TRIM38: variants seen among roughly 807,000 people sequenced by gnomAD.
The protein encoded by TRIM38 is E3 ubiquitin-protein ligase TRIM38.
TRIM38 carries 35 observed loss-of-function variants against 35.8 expected under a neutral mutation model. The ratio of observed to expected loss-of-function variants is 0.98; its 90% CI spans 0.75 to 1.30. The LOEUF (loss-of-function observed/expected upper bound fraction) is 1.30. Ranked by LOEUF, TRIM38 falls within the 50% of genes most tolerant of loss-of-function variation. The pLI is 0.00. For missense variants in TRIM38, 545 were observed against 556.9 expected, an observed-to-expected ratio of 0.98 and a Z score of 0.21; for synonymous variants, 198 against 204.7, an observed-to-expected ratio of 0.97 and a Z score of 0.28.
intron 7 of TRIM38, among the ~76,000 whole-genome samples, chr6:25,977,996 A>G (rs1481078295): frequency 3.3e-5 from 5 of 152,118 alleles, no homozygotes; most frequent in African/African-American, 1.2e-4. Context: ...TCCAATTGGT[A>G]ATGAAACCAT....
rs1760751782 is a variant in TRIM38, at chr6:25,987,697, A to G, written c.*4010A>G. 1 of 152,376 alleles carries G rather than the reference A, an allele frequency of 6.6e-6. No individual in the cohort carries two copies. The highest frequency in any genetic ancestry group is 1.9e-4 in the East Asian group (1 of 5,186). 9.4% of individuals were successfully genotyped at this position (152,376 alleles called of 1,614,324 possible). ...ATTGAACTTACATTGACACGTCATTATCAACGAAAGTCTGTAATTTACATT... is the reference window on the plus strand; with the variant it reads ...ATTGAACTTACATTGACACGTCATTGTCAACGAAAGTCTGTAATTTACATT... On this transcript the variant is annotated 3_prime_UTR_variant, in exon 8 of 8. Coordinates refer to ENST00000357085, the MANE Select transcript of TRIM38 (RefSeq NM_006355.5).
At chr6:25,975,572 C>T in intron 7 of TRIM38, 1 of 964,482 alleles carries the variant, frequency 1.0e-6, no homozygotes, top group Non-Finnish European at 1.2e-6. Context: ...TTTACATTGC[C>T]TTCAAGCAGA....
rs1436708273 is a variant in TRIM38 at position 25,990,537 on chromosome 6, C to T, written c.*6850C>T. ...CAGGCTGGTCTTGAACTACTGGGCT[C>T]AAGCAATCCTCCCACCTTAGCCTCC... is the stretch of plus-strand genomic sequence containing the variant. On this transcript the variant is annotated 3_prime_UTR_variant, in exon 8 of 8. Coordinates refer to ENST00000357085, the MANE Select transcript of TRIM38 (RefSeq NM_006355.5). 1 of 152,140 alleles carries T rather than the reference C, an allele frequency of 6.6e-6. No individual in the cohort carries two copies. Among genetic ancestry groups the T allele is most frequent in the Non-Finnish European group, 1.5e-5 (1 of 68,050 alleles). 9.4% of individuals were successfully genotyped at this position (152,140 alleles called of 1,614,324 possible).
chr6:25,976,114 T>TG (rs1332672713), intron 7 of TRIM38, among the ~76,000 whole-genome samples: 1 of 152,208 alleles, frequency 6.6e-6, no homozygotes, highest in African/African-American at 2.4e-5. Context: ...CCTCTCTATA[T>TG]GGGGCATTTT....
At chr6:25,980,955 G>A (rs1760526590) in intron 7 of TRIM38, among the ~76,000 whole-genome samples, 1 of 152,138 alleles carries the variant, frequency 6.6e-6, no homozygotes, top group South Asian at 2.1e-4. Context: ...GGTCATTCAG[G>A]TAATATGAAT....
intron 7 of TRIM38, among the ~76,000 whole-genome samples, chr6:25,977,750 A>T (rs1760439662): frequency 6.6e-6 from 1 of 151,952 alleles, no homozygotes; most frequent in African/African-American, 2.4e-5. Flanking sequence ...GAAGAAAGGG[A>T]CAAAAAAATT....
rs1554143882 is a variant in TRIM38, at chr6:25,988,496, C to CTTTCTTTTTTTTTT, written c.*4812_*4813insCTTTTTTTTTTTTT. ...TTTCTTTTTCTTTTTTCTTTTCTTTCTTTTTTTTTTTTTTTTTGAGACAGA... is the reference window on the plus strand; with the variant it reads ...TTTCTTTTTCTTTTTTCTTTTCTTTCTTTCTTTTTTTTTTTTTTTTTTTTTTTTTTTGAGACAGA... On this transcript the variant is annotated 3_prime_UTR_variant, in exon 8 of 8. Coordinates refer to ENST00000357085, the MANE Select transcript of TRIM38 (RefSeq NM_006355.5). 6.3e-5 allele frequency: 4 copies of CTTTCTTTTTTTTTT among 63,030 alleles called. No homozygotes were observed. Among genetic ancestry groups the CTTTCTTTTTTTTTT allele is most frequent in the African/African-American group, 2.1e-4 (3 of 14,184 alleles). 3.9% of individuals were successfully genotyped at this position (63,030 alleles called of 1,614,324 possible).
In TRIM38 at chr6:25,986,554, A is replaced by T. The variant is rs1386696276; in HGVS notation, c.*2867A>T. On this transcript the variant is annotated 3_prime_UTR_variant, in exon 8 of 8. Transcript: ENST00000357085. ...AAAAGTTACAGAGCTCCAACTAAAT[A>T]ATGTGGGGAACAAAAGAAAAAAGAA... 6.6e-6 allele frequency: 1 copy of T among 152,052 alleles called. No homozygotes were observed. The allele number at this position is 152,052 out of a possible 1,614,324, so 9.4% of individuals were successfully genotyped here. A position where few individuals can be genotyped will look rare whatever the true frequency, so the allele number is the denominator to read the frequency against.
rs56248041 is a variant in TRIM38, at chr6:25,990,008, C to CTTTTTTTTTT, written c.*6325_*6334dup. On this transcript the variant is annotated 3_prime_UTR_variant, in exon 8 of 8. Transcript: ENST00000357085. ...TTTCAATATTGTCTACTTTATCATCCTTTTTTTTTTTTTCTTTCTTCCTTT... is the reference window on the plus strand; with the variant it reads ...TTTCAATATTGTCTACTTTATCATCCTTTTTTTTTTTTTTTTTTTTTTTCTTTCTTCCTTT... 2.8e-5 allele frequency: 4 copies of CTTTTTTTTTT among 143,504 alleles called. No individual in the cohort carries two copies. Among genetic ancestry groups the CTTTTTTTTTT allele is most frequent in the Non-Finnish European group, 4.6e-5 (3 of 65,670 alleles). 8.9% of individuals were successfully genotyped at this position (143,504 alleles called of 1,614,324 possible).
chr6:25,969,525 G>A, intron 4 of TRIM38, 105 bp downstream of exon 4: 1 of 932,266 alleles, frequency 1.1e-6, no homozygotes, highest in Non-Finnish European at 1.5e-6. Context: ...CACTAAACCA[G>A]ATTGAAAAAA....
rs945189160 is a variant in TRIM38, at chr6:25,990,985, G to C, written c.*7298G>C. ...GATAGAGAATAGAAGAGTCCTTCAGGCCCCTCCAAACTGTCATATTCCGGG... is the reference window on the plus strand; with the variant it reads ...GATAGAGAATAGAAGAGTCCTTCAGCCCCCTCCAAACTGTCATATTCCGGG... On this transcript the variant is annotated 3_prime_UTR_variant, in exon 8 of 8. Coordinates refer to ENST00000357085, the MANE Select transcript of TRIM38 (RefSeq NM_006355.5). 1 of 152,028 alleles carries C rather than the reference G, an allele frequency of 6.6e-6. No homozygotes were observed. Among genetic ancestry groups the C allele is most frequent in the Non-Finnish European group, 1.5e-5 (1 of 68,012 alleles). 9.4% of individuals were successfully genotyped at this position (152,028 alleles called of 1,614,324 possible).
chr6:25,966,828 G>T lies in TRIM38; in HGVS notation c.306G>T (p.Leu102=). Residue 102 remains leucine (L), a synonymous_variant, in exon 3 of 8, where the codon CTG becomes CTT. Coordinates refer to ENST00000357085, the MANE Select transcript of TRIM38 (RefSeq NM_006355.5). ...SCEEHGEQFH[L]FCEDEGQLIC... ...AGGAACACGGAGAGCAGTTCCACCT[G>T]TTCTGCGAAGACGAGGGGCAGCTCA... 1 of 1,614,196 alleles carries T rather than the reference G, an allele frequency of 6.2e-7. No homozygotes were observed. Among genetic ancestry groups the T allele is most frequent in the African/African-American group, 1.3e-5 (1 of 75,062 alleles).
rs965486970 is a variant in TRIM38 at position 25,986,359 on chromosome 6, G to A, written c.*2672G>A. The A allele has an allele frequency of 2.0e-5, 3 of 151,916 alleles. No homozygotes were observed. Among genetic ancestry groups the A allele is most frequent in the African/African-American group, 7.3e-5 (3 of 41,358 alleles). 9.4% of individuals were successfully genotyped at this position (151,916 alleles called of 1,614,324 possible). ...CTGGGCAAGGCTCCCATCTCTAAAA[G>A]AAAAGAAATTAGCTGGGCATGGTGG... On this transcript the variant is annotated 3_prime_UTR_variant, in exon 8 of 8. Transcript: ENST00000357085.
In TRIM38 at chr6:25,985,770, TA is replaced by T. The variant is rs1339713661; in HGVS notation, c.*2085del. On this transcript the variant is annotated 3_prime_UTR_variant, in exon 8 of 8. Transcript: ENST00000357085. ...CTCTTGGCATCCCACAGTCCTGTGT[TA>T]ATGTAAGTGTGGTCTTCCCCAGAAA... 1.3e-5 allele frequency: 2 copies of T among 152,352 alleles called. No individual in the cohort carries two copies. Among genetic ancestry groups the T allele is most frequent in the East Asian group, 1.9e-4 (1 of 5,186 alleles). The allele number at this position is 152,352 out of a possible 1,614,324, so 9.4% of individuals were successfully genotyped here.
At position 25,966,732 on chromosome 6, in the gene TRIM38, C is replaced by T. The variant is rs773722117; in HGVS notation, c.210C>T (p.Ser70=). Residue 70 remains serine (S), a synonymous_variant, in exon 3 of 8, where the codon AGC becomes AGT. Coordinates refer to ENST00000357085, the MANE Select transcript of TRIM38 (RefSeq NM_006355.5). ...PQCRAPFHMD[S]LRPNKQLGSL... ...GTCGGGCTCCATTTCATATGGATAG[C>T]CTCCGACCCAACAAGCAGCTGGGAA... The T allele has an allele frequency of 5.6e-6, 9 of 1,614,056 alleles. No homozygotes were observed. The highest frequency in any genetic ancestry group is 7.6e-6 in the Non-Finnish European group (9 of 1,180,044).
intron 3 of TRIM38, 52 bp from the exon 4 acceptor site, chr6:25,969,273 C>T (rs2113587079): frequency 2.3e-6 from 3 of 1,317,418 alleles, no homozygotes; most frequent in Non-Finnish European, 3.3e-6. Context: ...CCCCTAGGTC[C>T]CTAATGAAGA....
In TRIM38 at chr6:25,987,525, GC is replaced by G. The variant is rs1760747863; in HGVS notation, c.*3841del. 6.6e-6 allele frequency: 1 copy of G among 152,090 alleles called. No homozygotes were observed. The highest frequency in any genetic ancestry group is 2.1e-4 in the South Asian group (1 of 4,822). 9.4% of individuals were successfully genotyped at this position (152,090 alleles called of 1,614,324 possible). A position where few individuals can be genotyped will look rare whatever the true frequency, so the allele number is the denominator to read the frequency against. Reference sequence around the variant, plus strand: ...ACTAAACCTAACTATCACCCAAAGAGCCCACCTCCAAAGACCATCACATTGA... The same window carrying G: ...ACTAAACCTAACTATCACCCAAAGAGCCACCTCCAAAGACCATCACATTGA... On this transcript the variant is annotated 3_prime_UTR_variant, in exon 8 of 8. Coordinates refer to ENST00000357085, the MANE Select transcript of TRIM38 (RefSeq NM_006355.5).
At chr6:25,965,487 G>A (rs1759995745) in intron 2 of TRIM38, among the ~76,000 whole-genome samples, 1 of 152,152 alleles carries the variant, frequency 6.6e-6, no homozygotes, top group African/African-American at 2.4e-5. Context: ...TGGACATGGT[G>A]GCACATACCT....
At chr6:25,973,751 A>C (rs766650813) in intron 7 of TRIM38, 1 of 985,388 alleles carries the variant, frequency 1.0e-6, no homozygotes, top group Non-Finnish European at 1.2e-6. Context: ...GAGTATGATA[A>C]CCTATCATTC....
Sources: gnomAD v4.1 joint callset for allele counts (sites outside exome capture counted in the v4.1 genomes callset) on GRCh38, gnomAD v4.1.1 for gene constraint, MANE v1.5 for transcripts, NCBI Gene and HGNC (gene_info 2026-07-23, HGNC 2026-07-21) for gene names.